Variants in FAM111B observed in about 807,000 individuals in gnomAD.
FAM111B encodes FAM111 trypsin like peptidase B.
In FAM111B, 1 loss-of-function variant was observed where a neutral mutation model predicts 2.8. That is an observed-to-expected ratio of 0.36 (90% CI 0.13 to 1.70). FAM111B has a LOEUF of 1.70. Ranked by LOEUF, FAM111B falls within the 40% of genes most tolerant of loss-of-function variation. The probability of loss-of-function intolerance (pLI) is 0.35; values close to 1 mark genes in which losing one functional copy is unlikely to be tolerated. For synonymous variants in FAM111B, 297 were observed against 295.6 expected, an observed-to-expected ratio of 1.00 and a Z score of -0.05; for missense variants, 882 against 878.9, an observed-to-expected ratio of 1.00 and a Z score of -0.04.
Position 59,124,349 on chromosome 11 carries a change from G to A in FAM111B, c.252G>A (p.Thr84=), listed in dbSNP as rs141392651. The A allele has an allele frequency of 1.9e-4, 300 of 1,613,730 alleles. No homozygotes were observed. Among genetic ancestry groups the A allele is most frequent in the Middle Eastern group, 1.8e-3 (11 of 6,060 alleles). Residue 84 remains threonine, a synonymous_variant, in exon 4 of 4, where the codon ACG becomes ACA. Coordinates refer to ENST00000343597, the MANE Select transcript of FAM111B (RefSeq NM_198947.4). ...ATAAAGAATGTTGTTTCACCTTTACGTTGAATGGAAACTCCAGAAAATTAG... is the reference window on the plus strand; with the variant it reads ...ATAAAGAATGTTGTTTCACCTTTACATTGAATGGAAACTCCAGAAAATTAG... ...LNNKECCFTF[T]LNGNSRKLDR... is the part of the protein sequence containing the mutation.
chr11:59,126,156 A>G lies in FAM111B; in HGVS notation c.2059A>G (p.Met687Val), dbSNP rs1860029883. 1 of 1,612,390 alleles carries G rather than the reference A, an allele frequency of 6.2e-7. No homozygotes were observed. The highest frequency in any genetic ancestry group is 8.5e-7 in the Non-Finnish European group (1 of 1,179,466). ...TGCCCTTATTGAATTTGGTTATTCT[A>G]TGGATTCTATTCTTTGTGATATTAA... ...VHALIEFGYS[M>V]DSILCDIKKT... Residue 687 changes from methionine (M) to valine (V), a missense_variant, in exon 4 of 4, where the codon ATG (methionine) becomes GTG (valine). Physicochemically the swap from Met to Val is conservative, Grantham distance 21. Transcript: ENST00000343597.
At chr11:59,123,669 G>C (rs1859958047) in intron 3 of FAM111B, among the ~76,000 whole-genome samples, 1 of 152,220 alleles carries the variant, frequency 6.6e-6, no homozygotes, top group Admixed American at 6.5e-5. Flanking sequence ...CCCTCAACTT[G>C]TGGTTTCAAA....
At chr11:59,111,665 C>T (rs1210269605) in intron 3 of FAM111B, among the ~76,000 whole-genome samples, 1 of 152,108 alleles carries the variant, frequency 6.6e-6, no homozygotes, top group Non-Finnish European at 1.5e-5. Flanking sequence ...TACTTAAGAA[C>T]CACATGTGGC....
Position 59,107,783 on chromosome 11 carries a change from A to G in FAM111B, c.-132+487A>G, listed in dbSNP as rs185017164. 2.0e-3 allele frequency among the ~76,000 whole-genome samples: 307 copies of G among 152,270 alleles called. 1 individual carries two copies. The highest frequency in any genetic ancestry group is 6.9e-3 in the African/African-American group (285 of 41,558). ...TGGCAGTCTCCTATTTTCTGTTGCC[A>G]CCCAACACTACATGTGCCTAGCAAG... On this transcript the variant is annotated intron_variant, in intron 1 of 3. Transcript: ENST00000343597.
chr11:59,120,815 A>T (rs1028615381), intron 3 of FAM111B, among the ~76,000 whole-genome samples: 6 of 152,222 alleles, frequency 3.9e-5, no homozygotes, highest in African/African-American at 1.4e-4. Context: ...CCAAATAAGT[A>T]TCACATTTTG....
At position 59,107,255 on chromosome 11, in the gene FAM111B, A is replaced by C. The variant is rs374946900; in HGVS notation, c.-173A>C. 2.0e-5 allele frequency: 3 copies of C among 152,518 alleles called. No individual in the cohort carries two copies. Among genetic ancestry groups the C allele is most frequent in the Admixed American group, 2.0e-4 (3 of 15,306 alleles). The allele number at this position is 152,518 out of a possible 1,614,324, so 9.4% of individuals were successfully genotyped here. A position where few individuals can be genotyped will look rare whatever the true frequency, so the allele number is the denominator to read the frequency against. On this transcript the variant is annotated 5_prime_UTR_variant, in exon 1 of 4. Coordinates refer to ENST00000343597, the MANE Select transcript of FAM111B (RefSeq NM_198947.4). ...CACCTGCAAATCCAGAGCGGCGGGC[A>C]CTGACGGGCACTTGCACCGTGTGGA...
intron 3 of FAM111B, among the ~76,000 whole-genome samples, chr11:59,115,638 G>A (rs544259239): frequency 6.6e-6 from 1 of 152,348 alleles, no homozygotes; most frequent in African/African-American, 2.4e-5. Context: ...AAAGCATGAT[G>A]TATGCTAATA....
intron 3 of FAM111B, among the ~76,000 whole-genome samples, chr11:59,114,629 G>A (rs970203700): frequency 7.9e-5 from 12 of 152,202 alleles, no homozygotes; most frequent in African/African-American, 2.9e-4. Context: ...CAGGACAGTG[G>A]TGAGTACATA....
At chr11:59,107,937 A>G (rs536796892) in intron 1 of FAM111B, among the ~76,000 whole-genome samples, 2 of 152,310 alleles carry the variant, frequency 1.3e-5, no homozygotes, top group South Asian at 4.1e-4. Flanking sequence ...TGTTTCTGTA[A>G]GCAAGCACAG....
intron 3 of FAM111B, among the ~76,000 whole-genome samples, chr11:59,112,169 C>G (rs78255321): frequency 6.6e-6 from 1 of 152,156 alleles, no homozygotes; most frequent in South Asian, 2.1e-4. Context: ...CCCACTTGTG[C>G]CCTATTCATC....
chr11:59,117,646 C>T (rs1859858319), intron 3 of FAM111B, among the ~76,000 whole-genome samples: 1 of 152,172 alleles, frequency 6.6e-6, no homozygotes, highest in Non-Finnish European at 1.5e-5. Flanking sequence ...ACCCTACCAC[C>T]TCCCTCAGAG....
rs1860014630 is a variant in FAM111B at position 59,125,674 on chromosome 11, C to T, written c.1577C>T (p.Pro526Leu). The T allele has an allele frequency of 1.2e-6, 2 of 1,613,766 alleles. No individual in the cohort carries two copies. The highest frequency in any genetic ancestry group is 2.7e-5 in the African/African-American group (2 of 74,902). The change falls in exon 4 of 4, where the codon CCT (proline) becomes CTT (leucine). Residue 526 changes from proline to leucine, a missense_variant. Transcript: ENST00000343597. ...TFTYTEFCPT[P>L]DNWFSIEPWL... ...ACTTATACAGAGTTCTGCCCTACTC[C>T]TGACAATTGGTTTTCCATTGAGCCA...
At chr11:59,108,833 C>T (rs988973946) in intron 2 of FAM111B, 121 bp downstream of exon 2, 11 of 152,258 alleles carry the variant, frequency 7.2e-5, no homozygotes, top group African/African-American at 2.6e-4. Context: ...TAAGTGCCTG[C>T]TGATTTTTTT....
rs1859974395 is a variant in FAM111B at position 59,124,393 on chromosome 11, C to T, written c.296C>T (p.Ala99Val). 3 of 1,613,452 alleles carry T rather than the reference C, an allele frequency of 1.9e-6. No homozygotes were observed. The highest frequency in any genetic ancestry group is 2.2e-5 in the South Asian group (2 of 91,060). Reference protein sequence around the residue: ...SRKLDRSVFTAYGKPSESIYS... With the variant: ...SRKLDRSVFTVYGKPSESIYS... ...AAATTAGACCGTAGTGTGTTTACAG[C>T]ATATGGTAAACCCAGCGAGAGTATC... is the stretch of plus-strand genomic sequence containing the variant. Residue 99 changes from alanine (A) to valine (V), a missense_variant, in exon 4 of 4, where the codon GCA (alanine) becomes GTA (valine). By Grantham distance (64) the Ala-to-Val change is moderately conservative. Coordinates refer to ENST00000343597, the MANE Select transcript of FAM111B (RefSeq NM_198947.4).
Position 59,125,856 on chromosome 11 carries a change from A to G in FAM111B, c.1759A>G (p.Ile587Val). 1 of 1,613,934 alleles carries G rather than the reference A, an allele frequency of 6.2e-7. No homozygotes were observed. Among genetic ancestry groups the G allele is most frequent in the Middle Eastern group, 1.6e-4 (1 of 6,062 alleles). The change falls in exon 4 of 4, where the codon ATA (isoleucine) becomes GTA (valine). Residue 587 changes from isoleucine (I) to valine (V), a missense_variant. Ile to Val is a conservative substitution (Grantham distance 29). Coordinates refer to ENST00000343597, the MANE Select transcript of FAM111B (RefSeq NM_198947.4). ...TCATCCTGAAGGCCAGATCAAGAAAATAGATGGTTGTACTGTGATTCCTCT... is the reference window on the plus strand; with the variant it reads ...TCATCCTGAAGGCCAGATCAAGAAAGTAGATGGTTGTACTGTGATTCCTCT... ...IGHPEGQIKK[I>V]DGCTVIPLNE...
chr11:59,112,065 A>G (rs1484058340), intron 3 of FAM111B, among the ~76,000 whole-genome samples: 1 of 152,200 alleles, frequency 6.6e-6, no homozygotes, highest in African/African-American at 2.4e-5. Flanking sequence ...GCCTGCAGTA[A>G]TGTAACCATG....
intron 3 of FAM111B, among the ~76,000 whole-genome samples, chr11:59,117,309 CT>C (rs974076005): frequency 1.3e-5 from 2 of 152,168 alleles, no homozygotes; most frequent in Non-Finnish European, 2.9e-5. Flanking sequence ...GGCATGGGGA[CT>C]TTTCTGTACT....
At position 59,124,688 on chromosome 11, in the gene FAM111B, G is replaced by T. The variant is rs1204578566; in HGVS notation, c.591G>T (p.Lys197Asn). The T allele has an allele frequency of 6.2e-7, 1 of 1,613,698 alleles. No individual in the cohort carries two copies. Among genetic ancestry groups the T allele is most frequent in the South Asian group, 1.1e-5 (1 of 91,014 alleles). The change falls in exon 4 of 4, where the codon AAG becomes AAT. Residue 197 changes from lysine (K) to asparagine (N), a missense_variant. By Grantham distance (94) the Lys-to-Asn change is moderately conservative. Coordinates refer to ENST00000343597, the MANE Select transcript of FAM111B (RefSeq NM_198947.4). ...TTGCTATAGGAAGGACAAGAAAGAA[G>T]ATTGTTAAGATCAACGAACTTCATG... ...HVVAIGRTRK[K>N]IVKINELHEK...
chr11:59,119,354 G>T (rs1859886397), intron 3 of FAM111B, among the ~76,000 whole-genome samples: 2 of 152,188 alleles, frequency 1.3e-5, no homozygotes, highest in Non-Finnish European at 2.9e-5. Context: ...CAGGCAGTAA[G>T]CTGGGGCAGT....
Sources: gnomAD v4.1 joint callset for allele counts (sites outside exome capture counted in the v4.1 genomes callset) on GRCh38, gnomAD v4.1.1 for gene constraint, MANE v1.5 for transcripts, NCBI Gene and HGNC (gene_info 2026-07-23, HGNC 2026-07-21) for gene names.